Variants in RBFOX1 observed in about 807,000 individuals in gnomAD.
The protein encoded by RBFOX1 is RNA binding fox-1 homolog 1, also known as RNA binding protein fox-1 homolog 1.
A neutral mutation model predicts 57.7 loss-of-function variants in RBFOX1; 8 were observed. The ratio of observed to expected loss-of-function variants is 0.14; its 90% CI spans 0.08 to 0.25. The LOEUF (loss-of-function observed/expected upper bound fraction) is 0.25. Ranked by LOEUF, RBFOX1 falls within the 10% of genes least tolerant of loss-of-function variation. RBFOX1 has a pLI of 1.00. For synonymous variants in RBFOX1, 326 were observed against 222.4 expected (o/e 1.47, Z -4.15); for missense variants, 611 against 548.5 (o/e 1.11, Z -1.14).
intron 3 of RBFOX1, among the ~76,000 whole-genome samples, chr16:5,788,618 G>C (rs1264831444): frequency 1.3e-5 from 2 of 152,164 alleles, no homozygotes; most frequent in African/African-American, 4.8e-5. Context: ...GACAGAGCGA[G>C]ACTTAGTCTC....
chr16:6,060,773 C>A (rs1236944632), intron 1 of RBFOX1, among the ~76,000 whole-genome samples: 1 of 152,178 alleles, frequency 6.6e-6, no homozygotes, highest in East Asian at 1.9e-4. Flanking sequence ...GGAGGAAGTT[C>A]ACACAGTTAC....
chr16:5,396,429 C>T (rs1462885855), intron 1 of RBFOX1, among the ~76,000 whole-genome samples: 2 of 151,954 alleles, frequency 1.3e-5, no homozygotes, highest in Non-Finnish European at 2.9e-5. Context: ...CCACTTGAGG[C>T]CAGGAGTTTG....
chr16:5,374,213 C>T (rs534961594), intron 1 of RBFOX1, among the ~76,000 whole-genome samples: 2 of 152,360 alleles, frequency 1.3e-5, no homozygotes, highest in African/African-American at 4.8e-5. Context: ...GCTGGAATTA[C>T]AGGCGTGAGC....
At chr16:6,482,444 T>A (rs1349963810) in intron 2 of RBFOX1, among the ~76,000 whole-genome samples, 1 of 152,240 alleles carries the variant, frequency 6.6e-6, no homozygotes, top group Admixed American at 6.5e-5. Flanking sequence ...CCTGTGTAAC[T>A]CATTCCTATT....
intron 4 of RBFOX1, among the ~76,000 whole-genome samples, chr16:7,398,661 C>T (rs539305336): frequency 1.3e-5 from 2 of 152,184 alleles, no homozygotes; most frequent in Non-Finnish European, 2.9e-5. Context: ...CAATTTTGAG[C>T]TTGAAACTTA....
chr16:5,882,435 A>G (rs1051759830), intron 4 of RBFOX1, among the ~76,000 whole-genome samples: 3 of 152,084 alleles, frequency 2.0e-5, no homozygotes, highest in Admixed American at 6.6e-5. Context: ...ATTGGCCAGA[A>G]CTCAGTCACT....
intron 5 of RBFOX1, among the ~76,000 whole-genome samples, chr16:7,522,432 T>A (rs930246227): frequency 6.6e-6 from 1 of 152,132 alleles, no homozygotes; most frequent in Non-Finnish European, 1.5e-5. Context: ...GAGAAGACAT[T>A]ATTGAAGTGA....
intron 2 of RBFOX1, among the ~76,000 whole-genome samples, chr16:6,569,034 C>G (rs998853652): frequency 3.3e-5 from 5 of 152,228 alleles, no homozygotes; most frequent in East Asian, 1.9e-4. Flanking sequence ...CAGCCTCCCA[C>G]AATACTGGGA....
At chr16:5,366,668 G>C (rs2065725446) in intron 1 of RBFOX1, 1 of 425,512 alleles carries the variant, frequency 2.4e-6, no homozygotes. Context: ...CCCGATCTCT[G>C]GCAGTGGAGG....
intron 3 of RBFOX1, among the ~76,000 whole-genome samples, chr16:6,996,257 T>G (rs8044114): frequency 1.3e-5 from 2 of 152,184 alleles, no homozygotes; most frequent in African/African-American, 4.8e-5. Flanking sequence ...TAAATTCATA[T>G]AAATACAATG....
chr16:6,175,725 A>G (rs2097001101), intron 1 of RBFOX1, among the ~76,000 whole-genome samples: 1 of 152,174 alleles, frequency 6.6e-6, no homozygotes, highest in Non-Finnish European at 1.5e-5. Context: ...GTGGTTCCCC[A>G]TTGGTGCCGC....
chr16:5,909,713 C>G (rs978808396), intron 4 of RBFOX1, among the ~76,000 whole-genome samples: 1 of 152,176 alleles, frequency 6.6e-6, no homozygotes, highest in Non-Finnish European at 1.5e-5. Flanking sequence ...ATTCACCAAA[C>G]TGGGGAACAA....
At chr16:7,392,561 T>A (rs940379116) in intron 4 of RBFOX1, among the ~76,000 whole-genome samples, 1 of 152,158 alleles carries the variant, frequency 6.6e-6, no homozygotes, top group East Asian at 1.9e-4. Context: ...TGTTCATATT[T>A]ATTTACCTCC....
At chr16:7,289,481 T>C (rs2095717072) in intron 4 of RBFOX1, among the ~76,000 whole-genome samples, 1 of 152,158 alleles carries the variant, frequency 6.6e-6, no homozygotes, top group Admixed American at 6.6e-5. Context: ...ACCACCATTA[T>C]GATTATCATC....
chr16:7,676,733 C>A (rs923446247), intron 13 of RBFOX1, 41 bp from the exon 14 acceptor site: 13 of 1,560,648 alleles, frequency 8.3e-6, no homozygotes, highest in Non-Finnish European at 8.8e-6. Flanking sequence ...CTGCATTGGG[C>A]TCCGCTACAT....
intron 4 of RBFOX1, 134 bp downstream of exon 4, chr16:7,052,232 A>T (rs779979785): frequency 7.4e-7 from 1 of 1,350,946 alleles, no homozygotes; most frequent in Non-Finnish European, 9.8e-7. Flanking sequence ...GAAAATATTT[A>T]TCCCAGCTTA....
At chr16:6,425,375 C>T (rs1285152504) in intron 2 of RBFOX1, among the ~76,000 whole-genome samples, 1 of 152,138 alleles carries the variant, frequency 6.6e-6, no homozygotes, top group African/African-American at 2.4e-5. Flanking sequence ...AAATTAACAG[C>T]CTCTCCTGAA....
chr16:7,643,356 G>C (rs148840054), intron 11 of RBFOX1, among the ~76,000 whole-genome samples: 4 of 152,072 alleles, frequency 2.6e-5, no homozygotes, highest in Non-Finnish European at 5.9e-5. Context: ...ACAAAAAGAA[G>C]ACTTATTTCA....
chr16:7,451,539 C>G (rs978386703), intron 4 of RBFOX1, among the ~76,000 whole-genome samples: 2 of 152,044 alleles, frequency 1.3e-5, no homozygotes, highest in East Asian at 1.9e-4. Context: ...GAGGAGATCT[C>G]AACCCTACAC....
Sources: gnomAD v4.1 joint callset for allele counts (sites outside exome capture counted in the v4.1 genomes callset) on GRCh38, gnomAD v4.1.1 for gene constraint, MANE v1.5 for transcripts, NCBI Gene and HGNC (gene_info 2026-07-23, HGNC 2026-07-21) for gene names.